The following TMA7 variants were observed in gnomAD, a reference collection of about 807,000 sequenced individuals.
TMA7 encodes translation machinery associated 7 homolog.
A neutral mutation model predicts 12.5 loss-of-function variants in TMA7; 5 were observed. The observed-to-expected ratio is 0.40, with a 90% CI of 0.21 to 0.84. The LOEUF is 0.84. Ranked by LOEUF, TMA7 falls within the 40% of genes least tolerant of loss-of-function variation. The pLI, the probability that TMA7 is intolerant of heterozygous loss-of-function variation, is 0.36. For synonymous variants in TMA7, 36 were observed against 28.1 expected (o/e 1.28, Z -0.89); for missense variants, 71 against 75.4 (o/e 0.94, Z 0.22).
chr3:48,443,606 C>A (rs1231099006), intron 3 of TMA7, among the ~76,000 whole-genome samples: 2 of 152,052 alleles, frequency 1.3e-5, no homozygotes, highest in East Asian at 1.9e-4. Flanking sequence ...ATAAGCCAAT[C>A]TGTGAAGTAT....
intron 3 of TMA7, 72 bp downstream of exon 3, chr3:48,440,700 T>A: frequency 7.1e-7 from 1 of 1,401,146 alleles, no homozygotes; most frequent in Non-Finnish European, 9.9e-7. Context: ...GGCGCGGGCA[T>A]GTCTTTTTCC....
intron 3 of TMA7, among the ~76,000 whole-genome samples, chr3:48,443,490 T>G (rs1192958894): frequency 6.7e-6 from 1 of 149,880 alleles, no homozygotes; most frequent in African/African-American, 2.5e-5. Context: ...GCTGAGATCG[T>G]GCCACTGCAC....
chr3:48,440,848 A>G (rs1408103416), intron 3 of TMA7: 5 of 595,150 alleles, frequency 8.4e-6, no homozygotes, highest in Admixed American at 3.1e-5. Context: ...CTGGGCTTCC[A>G]TTCCTTAGGA....
intron 3 of TMA7, among the ~76,000 whole-genome samples, chr3:48,443,537 A>C (rs1480069843): frequency 7.4e-6 from 1 of 134,596 alleles, no homozygotes; most frequent in East Asian, 1.9e-4. Context: ...CCATCTCAGA[A>C]AAAAAAAAAA....
intron 1 of TMA7, 44 bp downstream of exon 1, chr3:48,440,356 G>T: frequency 6.2e-7 from 1 of 1,611,884 alleles, no homozygotes; most frequent in Non-Finnish European, 8.5e-7. Context: ...CGGCGGGGTG[G>T]GGACCGGGCG....
rs1403208328 is a variant in TMA7 at position 48,440,320 on chromosome 3, T to G, written c.16+8T>G. On this transcript the variant is annotated splice_region_variant and intron_variant, in intron 1 of 3. Coordinates refer to ENST00000438607, the MANE Select transcript of TMA7 (RefSeq NM_015933.6). ...CCATGTCCGGCCGCGAAGGTAAGTGTTCCGGAACCGTGAGGACTGCGGGGA... is the reference window on the plus strand; with the variant it reads ...CCATGTCCGGCCGCGAAGGTAAGTGGTCCGGAACCGTGAGGACTGCGGGGA... The G allele has an allele frequency of 1.2e-6, 2 of 1,611,306 alleles. No homozygotes were observed. Among genetic ancestry groups the G allele is most frequent in the Admixed American group, 3.3e-5 (2 of 59,950 alleles).
At chr3:48,440,712 G>T (rs2039540277) in intron 3 of TMA7, 84 bp downstream of exon 3, 6 of 1,273,462 alleles carry the variant, frequency 4.7e-6, no homozygotes, top group African/African-American at 1.5e-5. Context: ...TCTTTTTCCT[G>T]CCTCCTGAAC....
intron 3 of TMA7, among the ~76,000 whole-genome samples, chr3:48,443,204 G>A (rs1053614016): frequency 1.8e-4 from 24 of 133,676 alleles, no homozygotes; most frequent in Admixed American, 1.3e-3. Flanking sequence ...TTGCACCACC[G>A]CAGTCCAGCC....
rs2039528652 is a variant in TMA7, at chr3:48,440,403, G to A, written c.17G>A (p.Gly6Asp). Residue 6 changes from glycine (G) to aspartate (D), a missense_variant and splice_region_variant, in exon 2 of 4, where the codon GGT becomes GAT. Gly to Asp is a moderately conservative substitution (Grantham distance 94). Transcript: ENST00000438607. MSGRE[G>D]GKKKPLKQPK... is the part of the protein sequence containing the mutation. ...CCGAACGTGCTCGTGTCGCCCACAG[G>A]TGGCAAGAAGAAGCCACTGAAACAG... 1.1e-5 allele frequency: 17 copies of A among 1,611,680 alleles called. No homozygotes were observed. The highest frequency in any genetic ancestry group is 2.7e-5 in the African/African-American group (2 of 74,926).
At chr3:48,443,722 C>T (rs1405090179) in intron 3 of TMA7, 126 bp from the exon 4 acceptor site, 4 of 618,126 alleles carry the variant, frequency 6.5e-6, no homozygotes, top group South Asian at 2.8e-5. Context: ...AAGCTGCTAT[C>T]CATGCTTGTG....
rs1237163472 is a variant in TMA7, at chr3:48,440,430, C to T, written c.44C>T (p.Pro15Leu). The T allele has an allele frequency of 3.1e-6, 5 of 1,612,440 alleles. No homozygotes were observed. Among genetic ancestry groups the T allele is most frequent in the Admixed American group, 1.7e-5 (1 of 59,960 alleles). Residue 15 changes from proline (P) to leucine (L), a missense_variant, in exon 2 of 4, where the codon CCC (proline) becomes CTC (leucine). Physicochemically the swap from Pro to Leu is moderately conservative, Grantham distance 98 (BLOSUM62 -3). Coordinates refer to ENST00000438607, the MANE Select transcript of TMA7 (RefSeq NM_015933.6). ...EGGKKKPLKQ[P>L]KKQAKEMDEE... ...GGCAAGAAGAAGCCACTGAAACAGC[C>T]CAAGAAGCAGGCCAAGGAGATGGAC...
intron 3 of TMA7, among the ~76,000 whole-genome samples, chr3:48,441,580 T>TA (rs1243806874): frequency 7.9e-5 from 12 of 152,208 alleles, no homozygotes; most frequent in Middle Eastern, 3.4e-3. Flanking sequence ...GACTAAAAGA[T>TA]AAAGTCCAGG....
In TMA7 at chr3:48,443,845, C is replaced by T; in HGVS notation, c.161-3C>T. 5 of 1,556,818 alleles carry T rather than the reference C, an allele frequency of 3.2e-6. No individual in the cohort carries two copies. Among genetic ancestry groups the T allele is most frequent in the Non-Finnish European group, 4.3e-6 (5 of 1,157,732 alleles). ...CCTAATTGTGACTATTTTTCTTTTG[C>T]AGCCACAGGTGGAATTAAGAAATCT... On this transcript the variant is annotated splice_polypyrimidine_tract_variant and splice_region_variant and intron_variant, in intron 3 of 3. Transcript: ENST00000438607.
In TMA7 at chr3:48,444,192, C is replaced by G. The variant is rs772007260; in HGVS notation, c.*310C>G. ...AACTTTGTATCACCTGAAATTAAAC[C>G]AACTCATTTGAAAGGATGGCGTTCT... On this transcript the variant is annotated 3_prime_UTR_variant, in exon 4 of 4. Coordinates refer to ENST00000438607, the MANE Select transcript of TMA7 (RefSeq NM_015933.6). 7.7e-5 allele frequency: 19 copies of G among 248,132 alleles called. No individual in the cohort carries two copies. Among genetic ancestry groups the G allele is most frequent in the Non-Finnish European group, 1.4e-4 (18 of 131,208 alleles). 15.4% of individuals were successfully genotyped at this position (248,132 alleles called of 1,614,324 possible).
At chr3:48,443,573 G>A (rs1353240153) in intron 3 of TMA7, among the ~76,000 whole-genome samples, 1 of 151,968 alleles carries the variant, frequency 6.6e-6, no homozygotes, top group Non-Finnish European at 1.5e-5. Flanking sequence ...CTGTAAAATG[G>A]GTTGATATGG....
intron 3 of TMA7, 88 bp downstream of exon 3, chr3:48,440,716 C>T (rs1197313877): frequency 5.8e-6 from 7 of 1,204,290 alleles, no homozygotes; most frequent in African/African-American, 4.6e-5. Flanking sequence ...TTTCCTGCCT[C>T]CTGAACTGCG....
In TMA7 at chr3:48,443,971, T is replaced by C. The variant is rs1323317851; in HGVS notation, c.*89T>C. The C allele has an allele frequency of 4.2e-6, 4 of 955,332 alleles. No homozygotes were observed. Among genetic ancestry groups the C allele is most frequent in the Non-Finnish European group, 5.8e-6 (4 of 694,006 alleles). The allele number at this position is 955,332 out of a possible 1,614,324, so 59.2% of individuals were successfully genotyped here. On this transcript the variant is annotated 3_prime_UTR_variant, in exon 4 of 4. Transcript: ENST00000438607. ...CCCTGCCATAACATCTTTTGCCACG[T>C]ATAGCTGGAATTAAGTGTTGTCTTG...
chr3:48,441,519 C>T (rs116689862), intron 3 of TMA7, among the ~76,000 whole-genome samples: 1,996 of 150,164 alleles, frequency 0.013, 41 homozygotes, highest in African/African-American at 0.045. Context: ...TATATTATCT[C>T]TAATATATGC....
intron 3 of TMA7, 83 bp downstream of exon 3, chr3:48,440,711 T>C: frequency 7.8e-7 from 1 of 1,276,978 alleles, no homozygotes. Context: ...GTCTTTTTCC[T>C]GCCTCCTGAA....
Sources: gnomAD v4.1 joint callset for allele counts (sites outside exome capture counted in the v4.1 genomes callset) on GRCh38, gnomAD v4.1.1 for gene constraint, MANE v1.5 for transcripts, NCBI Gene and HGNC (gene_info 2026-07-23, HGNC 2026-07-21) for gene names.